SLC10A1: variants seen among roughly 807,000 people sequenced by gnomAD.
The protein encoded by SLC10A1 is solute carrier family 10 member 1.
A neutral mutation model predicts 20.5 loss-of-function variants in SLC10A1; 36 were observed. That is an observed-to-expected ratio of 1.75 (90% CI 1.34 to 2.32). SLC10A1 has a LOEUF of 2.32. Ranked by LOEUF, SLC10A1 falls within the 30% of genes most tolerant of loss-of-function variation. The pLI, the probability that SLC10A1 is intolerant of heterozygous loss-of-function variation, is 0.00. For missense variants in SLC10A1, 545 were observed against 439.1 expected (o/e 1.24, Z -2.16); for synonymous variants, 188 against 163.6 (o/e 1.15, Z -1.14).
chr14:69,787,476 C>G (rs1288761069), intron 1 of SLC10A1, among the ~76,000 whole-genome samples: 1 of 85,370 alleles, frequency 1.2e-5, no homozygotes. Flanking sequence ...GTGTGTCCCT[C>G]CTCCTCCCCA....
chr14:69,780,441 T>G (rs967733929), intron 2 of SLC10A1, among the ~76,000 whole-genome samples: 3 of 152,224 alleles, frequency 2.0e-5, no homozygotes, highest in Non-Finnish European at 2.9e-5. Flanking sequence ...GTTGGTTCAT[T>G]TTTTGGTTCA....
chr14:69,794,516 G>A lies in SLC10A1; in HGVS notation c.356+2284C>T, dbSNP rs529189286. On this transcript the variant is annotated intron_variant, in intron 1 of 4. Coordinates refer to ENST00000216540, the MANE Select transcript of SLC10A1 (RefSeq NM_003049.4). Reference sequence around the variant, plus strand: ...TGCTGTCCCCCAGGGTGCTGTAGGAGGATCACATATACTTATCCAGGTAAG... The same window carrying A: ...TGCTGTCCCCCAGGGTGCTGTAGGAAGATCACATATACTTATCCAGGTAAG... Among the ~76,000 whole-genome samples the A allele has an allele frequency of 9.5e-4, 145 of 152,276 alleles. 1 individual carries two copies. Among genetic ancestry groups the A allele is most frequent in the African/African-American group, 3.3e-3 (139 of 41,540 alleles).
chr14:69,796,870 A>G lies in SLC10A1; in HGVS notation c.286T>C (p.Cys96Arg), dbSNP rs895937650. The change falls in exon 1 of 5, where the codon TGT (cysteine) becomes CGT (arginine). Residue 96 changes from cysteine (C) to arginine (R), a missense_variant. Coordinates refer to ENST00000216540, the MANE Select transcript of SLC10A1 (RefSeq NM_003049.4). Reference protein sequence around the residue: ...KNIEALAILVCGCSPGGNLSN... With the variant: ...KNIEALAILVRGCSPGGNLSN... ...AGGTTCCCTCCAGGTGAGCAGCCAC[A>G]GACCAAGATGGCCAGTGCCTCAATG... 6.2e-7 allele frequency: 1 copy of G among 1,614,128 alleles called. No homozygotes were observed. Among genetic ancestry groups the G allele is most frequent in the African/African-American group, 1.3e-5 (1 of 74,946 alleles).
In SLC10A1 at chr14:69,775,705, T is replaced by A. The variant is rs1431527255; in HGVS notation, c.*577A>T. 2 of 152,300 alleles carry A rather than the reference T, an allele frequency of 1.3e-5. No individual in the cohort carries two copies. The highest frequency in any genetic ancestry group is 2.9e-5 in the Non-Finnish European group (2 of 68,094). 9.4% of individuals were successfully genotyped at this position (152,300 alleles called of 1,614,324 possible). On this transcript the variant is annotated 3_prime_UTR_variant, in exon 5 of 5. Transcript: ENST00000216540. The stretch of plus-strand genomic sequence containing the variant: ...CGCCCAGTTTTTTCATTTCATTAGC[T>A]ATTTTTTGAGTTTGTTTTGCCTGAT...
intron 1 of SLC10A1, among the ~76,000 whole-genome samples, chr14:69,791,059 T>G (rs1250836791): frequency 6.6e-6 from 1 of 152,036 alleles, no homozygotes; most frequent in Non-Finnish European, 1.5e-5. Context: ...CTAAAGGACA[T>G]GTAAGATCTT....
intron 2 of SLC10A1, among the ~76,000 whole-genome samples, chr14:69,780,813 G>T (rs1883574415): frequency 2.6e-5 from 4 of 152,164 alleles, no homozygotes; most frequent in Admixed American, 2.0e-4. Context: ...ATTTTTAGTT[G>T]ATTTCCCCTT....
intron 2 of SLC10A1, among the ~76,000 whole-genome samples, chr14:69,783,593 A>G (rs1883646794): frequency 6.6e-6 from 1 of 152,240 alleles, no homozygotes; most frequent in South Asian, 2.1e-4. Context: ...TGGTGAGGTC[A>G]GTTGAAACCA....
chr14:69,788,244 G>A (rs1481013298), intron 1 of SLC10A1, among the ~76,000 whole-genome samples: 3 of 151,942 alleles, frequency 2.0e-5, no homozygotes, highest in Admixed American at 6.6e-5. Flanking sequence ...GATGAGGGGA[G>A]GGGAACTTTC....
At chr14:69,793,743 G>A (rs377354514) in intron 1 of SLC10A1, among the ~76,000 whole-genome samples, 2 of 152,310 alleles carry the variant, frequency 1.3e-5, no homozygotes, top group South Asian at 4.1e-4. Flanking sequence ...ATGGTGGCAG[G>A]GGGAGCAGAT....
intron 1 of SLC10A1, among the ~76,000 whole-genome samples, chr14:69,791,550 T>C (rs1410375492): frequency 6.6e-6 from 1 of 152,224 alleles, no homozygotes; most frequent in Non-Finnish European, 1.5e-5. Flanking sequence ...TCGGCCAGCC[T>C]TGACCTCCCA....
Position 69,779,310 on chromosome 14 carries a change from A to G in SLC10A1, c.618T>C (p.Ser206=), listed in dbSNP as rs375859965. The part of the protein sequence containing the change: ...LLCSVAVTVL[S]AINVGKSIMF... ...TGATGCTCTTCCCCACATTGATGGC[A>G]GAGAGAACTGTGACGGCCACACTGC... Residue 206 remains serine, a synonymous_variant, in exon 3 of 5, where the codon TCT becomes TCC. Transcript: ENST00000216540. 5.5e-5 allele frequency: 88 copies of G among 1,613,854 alleles called. No homozygotes were observed. The highest frequency in any genetic ancestry group is 4.6e-5 in the Non-Finnish European group (54 of 1,179,894).
intron 2 of SLC10A1, among the ~76,000 whole-genome samples, chr14:69,779,701 T>TG (rs1256335995): frequency 1.3e-5 from 2 of 152,116 alleles, no homozygotes; most frequent in Non-Finnish European, 2.9e-5. Flanking sequence ...CTAGGAAGCT[T>TG]GGGGACAGCT....
At position 69,796,401 on chromosome 14, in the gene SLC10A1, GA is replaced by G. The variant is rs1882386180; in HGVS notation, c.356+398del. The stretch of plus-strand genomic sequence containing the variant: ...TCCAAGTCACCTTGATCTCCCTGAT[GA>G]TGTTTGGAACGAATCACACTACCTT... On this transcript the variant is annotated intron_variant, in intron 1 of 4. Coordinates refer to ENST00000216540, the MANE Select transcript of SLC10A1 (RefSeq NM_003049.4). Among the ~76,000 whole-genome samples the G allele has an allele frequency of 2.0e-5, 3 of 152,348 alleles. No individual in the cohort carries two copies. The South Asian group carries it at 6.2e-4, about 32-fold the overall frequency.
Position 69,791,959 on chromosome 14 carries a change from T to C in SLC10A1, c.356+4841A>G, listed in dbSNP as rs562206788. Among the ~76,000 whole-genome samples the C allele has an allele frequency of 1.5e-4, 23 of 152,164 alleles. 1 individual carries two copies. In the East Asian group the frequency reaches 4.4e-3, roughly 29 times the overall value. ...GTAACTTTGTAGACAGTAAATTTTTTTTTTTTTTTTGAGACAGGGTGTTGC... is the reference window on the plus strand; with the variant it reads ...GTAACTTTGTAGACAGTAAATTTTTCTTTTTTTTTTGAGACAGGGTGTTGC... On this transcript the variant is annotated intron_variant, in intron 1 of 4. Transcript: ENST00000216540.
At chr14:69,786,452 T>C (rs1227254962) in intron 1 of SLC10A1, 145 bp from the exon 2 acceptor site, 5 of 652,742 alleles carry the variant, frequency 7.7e-6, no homozygotes, top group East Asian at 2.7e-5. Flanking sequence ...GCAGTAAGCA[T>C]ACTATCTTCT....
intron 4 of SLC10A1, among the ~76,000 whole-genome samples, chr14:69,777,821 A>C (rs1168545469): frequency 2.6e-5 from 4 of 151,026 alleles, no homozygotes; most frequent in Admixed American, 1.3e-4. Flanking sequence ...TTACTGCGTA[A>C]CTAGAGTTGA....
At chr14:69,781,268 C>T (rs1883585072) in intron 2 of SLC10A1, among the ~76,000 whole-genome samples, 1 of 152,222 alleles carries the variant, frequency 6.6e-6, no homozygotes, top group Non-Finnish European at 1.5e-5. Flanking sequence ...ACCCCTGTCT[C>T]CTGCTGAGAC....
chr14:69,795,914 G>A (rs1222171405), intron 1 of SLC10A1, among the ~76,000 whole-genome samples: 5 of 152,192 alleles, frequency 3.3e-5, no homozygotes, highest in Admixed American at 2.6e-4. Flanking sequence ...AGGGGGGACT[G>A]GCTTGAGACT....
At chr14:69,788,606 GCA>G (rs1883776975) in intron 1 of SLC10A1, among the ~76,000 whole-genome samples, 1 of 151,118 alleles carries the variant, frequency 6.6e-6, no homozygotes, top group Non-Finnish European at 1.5e-5. Flanking sequence ...GTGCAGTGGC[GCA>G]GTCTCGGCTC....
Sources: gnomAD v4.1 joint callset for allele counts (sites outside exome capture counted in the v4.1 genomes callset) on GRCh38, gnomAD v4.1.1 for gene constraint, MANE v1.5 for transcripts, NCBI Gene and HGNC (gene_info 2026-07-23, HGNC 2026-07-21) for gene names.